The following PUS7 variants were observed in gnomAD, a reference collection of about 807,000 sequenced individuals.
PUS7 encodes the protein pseudouridine synthase 7, also known as pseudouridylate synthase 7 homolog.
PUS7 carries 48 observed loss-of-function variants against 79.8 expected under a neutral mutation model. The observed-to-expected ratio is 0.60, with a 90% CI of 0.48 to 0.76. The LOEUF (loss-of-function observed/expected upper bound fraction) is 0.76. PUS7 is among the 30% of genes least tolerant of loss of function. PUS7 has a pLI of 0.00. For synonymous variants in PUS7, 286 were observed against 272.2 expected (o/e 1.05, Z -0.50); for missense variants, 729 against 797.6 (o/e 0.91, Z 1.04).
intron 5 of PUS7, 183 bp from the exon 6 acceptor site, chr7:105,495,436 T>G: frequency 2.1e-6 from 1 of 469,088 alleles, no homozygotes; most frequent in Non-Finnish European, 3.8e-6. Context: ...ACACTTAACA[T>G]TATCTATCCA....
chr7:105,508,216 C>T lies in PUS7; in HGVS notation c.297G>A (p.Glu99=). The change falls in exon 2 of 16, where the codon GAG becomes GAA. Residue 99 remains glutamate, a synonymous_variant. Transcript: ENST00000469408. ...CATGCTTCATCATGTCTGCAAAACTCTCTGATTCCTCCTCCTCGCACTCCT... is the reference window on the plus strand; with the variant it reads ...CATGCTTCATCATGTCTGCAAAACTTTCTGATTCCTCCTCCTCGCACTCCT... ...LSEECEEEES[E]SFADMMKHGL... 6.2e-7 allele frequency: 1 copy of T among 1,614,160 alleles called. No homozygotes were observed. The highest frequency in any genetic ancestry group is 8.5e-7 in the Non-Finnish European group (1 of 1,180,026).
chr7:105,506,112 A>G (rs1825444996), intron 3 of PUS7, 56 bp from the exon 4 acceptor site: 1 of 1,570,176 alleles, frequency 6.4e-7, no homozygotes, highest in South Asian at 1.1e-5. Context: ...CAAGTTTAAT[A>G]AAGCTCTATA....
intron 13 of PUS7, among the ~76,000 whole-genome samples, chr7:105,465,037 T>G (rs1319655816): frequency 2.6e-5 from 4 of 152,150 alleles, no homozygotes; most frequent in African/African-American, 9.7e-5. Flanking sequence ...CAGGCTGGTC[T>G]CGAATTCCAG....
At chr7:105,484,388 G>A (rs905517673) in intron 7 of PUS7, among the ~76,000 whole-genome samples, 3 of 151,996 alleles carry the variant, frequency 2.0e-5, no homozygotes, top group African/African-American at 7.3e-5. Flanking sequence ...GCCTAGATGG[G>A]CAGATAGCTT....
rs146265407 is a variant in PUS7 at position 105,506,266 on chromosome 7, C to T, written c.406G>A (p.Asp136Asn). The T allele has an allele frequency of 2.5e-6, 4 of 1,609,548 alleles. No individual in the cohort carries two copies. The highest frequency in any genetic ancestry group is 1.7e-5 in the Admixed American group (1 of 59,574). The change falls in exon 3 of 16, where the codon GAC becomes AAC. Residue 136 changes from aspartate to asparagine, a missense_variant. By Grantham distance (23) the Asp-to-Asn change is conservative. Coordinates refer to ENST00000469408, the MANE Select transcript of PUS7 (RefSeq NM_019042.5). Reference sequence around the variant, plus strand: ...TTTCCTATTTCATGAACAACGAAGTCGGAGTATCTGATGAAAGAAAACATG... The same window carrying T: ...TTTCCTATTTCATGAACAACGAAGTTGGAGTATCTGATGAAAGAAAACATG... ...FSGILKERYS[D>N]FVVHEIGKDG...
chr7:105,506,036 A>G lies in PUS7; in HGVS notation c.504T>C (p.Phe168=). 1 of 1,613,882 alleles carries G rather than the reference A, an allele frequency of 6.2e-7. No individual in the cohort carries two copies. The highest frequency in any genetic ancestry group is 8.5e-7 in the Non-Finnish European group (1 of 1,179,882). ...GCTTTTCTTCAGCTGTCAAAACTGTAAATATGTCTTCTGAAGGGTCCTTTA... is the reference window on the plus strand; with the variant it reads ...GCTTTTCTTCAGCTGTCAAAACTGTGAATATGTCTTCTGAAGGGTCCTTTA... ...VDEEDPSEDI[F]TVLTAEEKQR... is the part of the protein sequence containing the mutation. Residue 168 remains phenylalanine, a synonymous_variant, in exon 4 of 16, where the codon TTT becomes TTC. Coordinates refer to ENST00000469408, the MANE Select transcript of PUS7 (RefSeq NM_019042.5).
intron 4 of PUS7, among the ~76,000 whole-genome samples, chr7:105,504,069 A>G (rs532569372): frequency 9.8e-4 from 132 of 134,824 alleles, no homozygotes; most frequent in African/African-American, 3.5e-3. Context: ...ACTTGATGAC[A>G]CTTTTTTTTT....
intron 9 of PUS7, among the ~76,000 whole-genome samples, 155 bp from the exon 10 acceptor site, chr7:105,472,348 C>A (rs956139644): frequency 1.3e-5 from 2 of 152,186 alleles, no homozygotes; most frequent in Non-Finnish European, 2.9e-5. Flanking sequence ...GATTCTCCCA[C>A]CTCAGCTTTC....
chr7:105,515,243 A>C (rs999648442), intron 1 of PUS7, among the ~76,000 whole-genome samples: 2 of 152,184 alleles, frequency 1.3e-5, no homozygotes, highest in African/African-American at 2.4e-5. Context: ...ACTGCCTATA[A>C]CCAATCAAAT....
At chr7:105,492,728 C>T (rs939163160) in intron 6 of PUS7, among the ~76,000 whole-genome samples, 20 of 151,744 alleles carry the variant, frequency 1.3e-4, no homozygotes, top group Admixed American at 9.8e-4. Context: ...GGGATGGTCT[C>T]GATCTCCTGA....
intron 14 of PUS7, among the ~76,000 whole-genome samples, chr7:105,460,001 T>G (rs1322456432): frequency 6.6e-6 from 1 of 152,142 alleles, no homozygotes; most frequent in Non-Finnish European, 1.5e-5. Context: ...TGTAGTGGCG[T>G]GATCTTGGCT....
In PUS7 at chr7:105,513,913, A is replaced by T. The variant is rs1418663232; in HGVS notation, c.-32-5369T>A. On this transcript the variant is annotated intron_variant, in intron 1 of 15. Transcript: ENST00000469408. ...ATTGTTGTTATGTCTGGAGGAGTTT[A>T]AAAAAAGAAAAAAAGCTGGCTGGGC... Among the ~76,000 whole-genome samples the T allele has an allele frequency of 1.4e-4, 20 of 140,756 alleles. 2 individuals carry two copies. Among genetic ancestry groups the T allele is most frequent in the Non-Finnish European group, 3.1e-4 (20 of 63,658 alleles). 92.3% of individuals were successfully genotyped at this position (140,756 alleles called of 152,430 possible). A position where few individuals can be genotyped will look rare whatever the true frequency, so the allele number is the denominator to read the frequency against.
At position 105,508,375 on chromosome 7, in the gene PUS7, C is replaced by T; in HGVS notation, c.138G>A (p.Gly46=). 8 of 1,614,110 alleles carry T rather than the reference C, an allele frequency of 5.0e-6. No individual in the cohort carries two copies. Among genetic ancestry groups the T allele is most frequent in the South Asian group, 1.1e-5 (1 of 91,070 alleles). ...SECSLTKGQD[G]LQNDFLSISE... is the part of the protein sequence containing the mutation. Reference sequence around the variant, plus strand: ...TGATGGACAGAAAGTCATTCTGTAGCCCATCTTGACCTTTGGTTAGACTGC... The same window carrying T: ...TGATGGACAGAAAGTCATTCTGTAGTCCATCTTGACCTTTGGTTAGACTGC... The change falls in exon 2 of 16, where the codon GGG becomes GGA. Residue 46 remains glycine (G), a synonymous_variant. Coordinates refer to ENST00000469408, the MANE Select transcript of PUS7 (RefSeq NM_019042.5).
chr7:105,518,603 TG>T lies in PUS7; in HGVS notation c.-33+3448del, dbSNP rs1294045574. 3.9e-5 allele frequency among the ~76,000 whole-genome samples: 6 copies of T among 152,180 alleles called. No homozygotes were observed. The South Asian group carries it at 1.2e-3, about 32-fold the overall frequency. On this transcript the variant is annotated intron_variant, in intron 1 of 15. Transcript: ENST00000469408. ...TTTTTGTAGAGACAGGGTTTTGCCATGTTGCCCACTAGTCTCAAACTCCTGA... is the reference window on the plus strand; with the variant it reads ...TTTTTGTAGAGACAGGGTTTTGCCATTTGCCCACTAGTCTCAAACTCCTGA...
intron 1 of PUS7, among the ~76,000 whole-genome samples, chr7:105,509,459 A>G (rs185832196): frequency 3.3e-5 from 5 of 151,912 alleles, no homozygotes; most frequent in Admixed American, 1.3e-4. Context: ...CTCTAAGGAT[A>G]TTCATCTCCA....
chr7:105,470,898 T>G (rs1823847975), intron 10 of PUS7, 50 bp from the exon 11 acceptor site: 2 of 1,491,136 alleles, frequency 1.3e-6, no homozygotes, highest in Non-Finnish European at 1.8e-6. Flanking sequence ...TAGACAGACT[T>G]CCATAACTTA....
At chr7:105,504,940 G>A (rs1008815797) in intron 4 of PUS7, among the ~76,000 whole-genome samples, 3 of 151,904 alleles carry the variant, frequency 2.0e-5, no homozygotes, top group Admixed American at 6.6e-5. Context: ...CTGGGAGGGG[G>A]AATTTCAGAC....
chr7:105,472,274 AATC>A, intron 9 of PUS7, 81 bp from the exon 10 acceptor site: 1 of 847,832 alleles, frequency 1.2e-6, no homozygotes, highest in South Asian at 1.5e-5. Context: ...AGAGTCAACA[AATC>A]ATATTAACTA....
At position 105,483,996 on chromosome 7, in the gene PUS7, C is replaced by T. The variant is rs984749085; in HGVS notation, c.921-1556G>A. Among the ~76,000 whole-genome samples, 12 of 152,240 alleles carry T rather than the reference C, an allele frequency of 7.9e-5. 1 individual carries two copies. The highest frequency in any genetic ancestry group is 2.9e-4 in the African/African-American group (12 of 41,548). ...TTCCTCATGCTGAGACTCAGGTAAACACTTTGGTAGAAATATTACTGAGGT... is the reference window on the plus strand; with the variant it reads ...TTCCTCATGCTGAGACTCAGGTAAATACTTTGGTAGAAATATTACTGAGGT... On this transcript the variant is annotated intron_variant, in intron 7 of 15. Coordinates refer to ENST00000469408, the MANE Select transcript of PUS7 (RefSeq NM_019042.5).
Sources: gnomAD v4.1 joint callset for allele counts (sites outside exome capture counted in the v4.1 genomes callset) on GRCh38, gnomAD v4.1.1 for gene constraint, MANE v1.5 for transcripts, NCBI Gene and HGNC (gene_info 2026-07-23, HGNC 2026-07-21) for gene names.